RP1: variants seen among roughly 807,000 people sequenced by gnomAD.
RP1 encodes the protein RP1 axonemal microtubule associated.
RP1 carries 16 observed loss-of-function variants against 14.8 expected under a neutral mutation model. That is an observed-to-expected ratio of 1.08 (90% confidence interval 0.73 to 1.65). RP1 has a LOEUF of 1.65. RP1 is among the 40% of genes most tolerant of loss of function. The probability of loss-of-function intolerance (pLI) is 0.00; values close to 1 mark genes in which losing one functional copy is unlikely to be tolerated. For synonymous variants in RP1, 876 were observed against 883.6 expected, an observed-to-expected ratio of 0.99 and a Z score of 0.15; for missense variants, 2,631 against 2,535.0, an observed-to-expected ratio of 1.04 and a Z score of -0.81.
At chr8:54,793,149 G>C (rs1810506089) in intron 24 of RP1, among the ~76,000 whole-genome samples, 1 of 150,984 alleles carries the variant, frequency 6.6e-6, no homozygotes, top group South Asian at 2.1e-4. Context: ...GAAATAGAAA[G>C]CCTGAATACA....
At chr8:54,575,804 TG>T (rs201722136) in intron 1 of RP1, among the ~76,000 whole-genome samples, 1,917 of 152,236 alleles carry the variant, frequency 0.013, 35 homozygotes, top group African/African-American at 0.043. Flanking sequence ...TATCCTCAAG[TG>T]GGGCCCCAGT....
chr8:54,670,731 A>T (rs1409149204), intron 7 of RP1, among the ~76,000 whole-genome samples: 1 of 137,704 alleles, frequency 7.3e-6, no homozygotes, highest in South Asian at 2.3e-4. Context: ...TGGTGAATTA[A>T]CCATATTATC....
At chr8:54,827,715 C>T (rs544976233) in intron 24 of RP1, among the ~76,000 whole-genome samples, 21 of 152,050 alleles carry the variant, frequency 1.4e-4, no homozygotes, top group African/African-American at 4.3e-4. Flanking sequence ...CTGGCCAACA[C>T]GGTGAAACCC....
At chr8:54,591,078 G>A (rs1407138259) in intron 1 of RP1, among the ~76,000 whole-genome samples, 2 of 152,116 alleles carry the variant, frequency 1.3e-5, no homozygotes, top group African/African-American at 2.4e-5. Flanking sequence ...CACACCTCAT[G>A]TAAGCCACCA....
chr8:54,772,944 A>G (rs1809945648), downstream of RP1, among the ~76,000 whole-genome samples: 1 of 152,160 alleles, frequency 6.6e-6, no homozygotes, highest in Admixed American at 6.5e-5. Context: ...TATTATTGTT[A>G]TTATATTTCA....
intron 24 of RP1, among the ~76,000 whole-genome samples, chr8:54,799,850 C>T (rs1013392175): frequency 1.3e-5 from 2 of 151,830 alleles, no homozygotes; most frequent in South Asian, 4.1e-4. Flanking sequence ...TATATAATAA[C>T]TGATTTTATT....
intron 23 of RP1, chr8:54,780,990 T>G (rs2129379699): frequency 1.0e-6 from 1 of 980,210 alleles, no homozygotes; most frequent in Admixed American, 6.1e-5. Flanking sequence ...TCCGAATTTA[T>G]TAAGGAATAT....
At chr8:54,725,737 G>A (rs1585638860) in intron 16 of RP1, among the ~76,000 whole-genome samples, 1 of 152,128 alleles carries the variant, frequency 6.6e-6, no homozygotes, top group African/African-American at 2.4e-5. Flanking sequence ...GCCTATGCCT[G>A]ATCCTAGAAA....
At chr8:54,566,234 T>G (rs966199381) in intron 1 of RP1, among the ~76,000 whole-genome samples, 25 of 152,186 alleles carry the variant, frequency 1.6e-4, no homozygotes, top group African/African-American at 6.0e-4. Flanking sequence ...ACCCTTAACA[T>G]CTTCCTTTTT....
chr8:54,777,934 A>G (rs1437493497), intron 23 of RP1, among the ~76,000 whole-genome samples: 1 of 152,210 alleles, frequency 6.6e-6, no homozygotes, highest in East Asian at 1.9e-4. Context: ...ATGACACATC[A>G]TCAGAAGGAC....
intron 7 of RP1, among the ~76,000 whole-genome samples, chr8:54,669,309 A>G (rs1413293110): frequency 6.6e-6 from 1 of 152,220 alleles, no homozygotes; most frequent in East Asian, 1.9e-4. Context: ...GAGAAATGCA[A>G]ATTAAAACCA....
chr8:54,868,799 TA>T (rs1316631904), intron 28 of RP1, among the ~76,000 whole-genome samples: 1 of 152,160 alleles, frequency 6.6e-6, no homozygotes, highest in Non-Finnish European at 1.5e-5. Context: ...ATCAAGTACT[TA>T]AATGCAAGTC....
At chr8:54,732,366 T>C (rs532171732) in intron 17 of RP1, among the ~76,000 whole-genome samples, 6 of 152,332 alleles carry the variant, frequency 3.9e-5, no homozygotes, top group African/African-American at 1.4e-4. Context: ...TTTGAATATT[T>C]GAAATCCAGA....
chr8:54,814,570 A>G (rs1811088999), intron 24 of RP1, among the ~76,000 whole-genome samples: 1 of 152,300 alleles, frequency 6.6e-6, no homozygotes, highest in Middle Eastern at 3.4e-3. Context: ...GGAACTCAGC[A>G]TCTCTGCAAG....
chr8:54,616,108 C>T lies in RP1; in HGVS notation c.-107C>T, dbSNP rs983667646. ...ATCCAAAGACATTAGTTTCTTTGCA[C>T]GAAATGAGGTTACATATCCAGTGAC... On this transcript the variant is annotated 5_prime_UTR_variant, in exon 1 of 4. It adds an upstream start codon to the 5' untranslated region. Coordinates refer to ENST00000220676, the MANE Select transcript of RP1 (RefSeq NM_006269.2). 7 of 152,152 alleles carry T rather than the reference C, an allele frequency of 4.6e-5. No individual in the cohort carries two copies. Among genetic ancestry groups the T allele is most frequent in the Admixed American group, 3.3e-4 (5 of 15,278 alleles). 9.4% of individuals were successfully genotyped at this position (152,152 alleles called of 1,614,324 possible).
At chr8:54,768,366 T>G (rs1177443451) in intron 22 of RP1, among the ~76,000 whole-genome samples, 1 of 152,232 alleles carries the variant, frequency 6.6e-6, no homozygotes, top group African/African-American at 2.4e-5. Context: ...CTTTGTTACA[T>G]TTATATCTTT....
In RP1 at chr8:54,629,103, A is replaced by C. The variant is rs757085666; in HGVS notation, c.5221A>C (p.Ile1741Leu). ...CACAGACATAGAGGAAGGAGTACTGATTGACAAAGGCAAATGGCTTCTGAA... is the reference window on the plus strand; with the variant it reads ...CACAGACATAGAGGAAGGAGTACTGCTTGACAAAGGCAAATGGCTTCTGAA... ...ILTDIEEGVLIDKGKWLLKEN... is the reference protein window; with the variant it reads ...ILTDIEEGVLLDKGKWLLKEN... The change falls in exon 4 of 4, where the codon ATT becomes CTT. Residue 1741 changes from isoleucine (I) to leucine (L), a missense_variant. Physicochemically the swap from Ile to Leu is conservative, Grantham distance 5 (BLOSUM62 2). Coordinates refer to ENST00000220676, the MANE Select transcript of RP1 (RefSeq NM_006269.2). The C allele has an allele frequency of 1.9e-6, 3 of 1,614,174 alleles. No individual in the cohort carries two copies. In the East Asian group the frequency reaches 6.7e-5, roughly 36 times the overall value.
In RP1 at chr8:54,625,764, G is replaced by A; in HGVS notation, c.1882G>A (p.Glu628Lys). ...NNSGTDKNIS[E>K]APASEASSTV... ...CTCTGGAACTGACAAAAATATTTCT[G>A]AGGCTCCAGCTTCAGAAGCATCCTC... The change falls in exon 4 of 4, where the codon GAG becomes AAG. Residue 628 changes from glutamate to lysine, a missense_variant. Physicochemically the swap from Glu to Lys is moderately conservative, Grantham distance 56. Transcript: ENST00000220676. The A allele has an allele frequency of 6.2e-7, 1 of 1,613,640 alleles. No individual in the cohort carries two copies.
intron 12 of RP1, among the ~76,000 whole-genome samples, chr8:54,693,609 A>T (rs367600686): frequency 6.6e-6 from 1 of 151,188 alleles, no homozygotes; most frequent in East Asian, 1.9e-4. Context: ...TCATGATTTG[A>T]CTCTCTGTTT....
Sources: gnomAD v4.1 joint callset for allele counts (sites outside exome capture counted in the v4.1 genomes callset) on GRCh38, gnomAD v4.1.1 for gene constraint, MANE v1.5 for transcripts, NCBI Gene and HGNC (gene_info 2026-07-23, HGNC 2026-07-21) for gene names.